TDRD9: variants seen among roughly 807,000 people sequenced by gnomAD.
TDRD9 encodes ATP-dependent RNA helicase TDRD9.
Under a neutral mutation model 172.6 loss-of-function variants are expected in TDRD9, and 124 were observed. The ratio of observed to expected loss-of-function variants is 0.72; its 90% confidence interval spans 0.62 to 0.83. The LOEUF is 0.83. TDRD9 is among the 40% of genes least tolerant of loss of function. The pLI is 0.00. For missense variants in TDRD9, 1,479 were observed against 1,714.1 expected, an observed-to-expected ratio of 0.86 and a Z score of 2.42; for synonymous variants, 619 against 617.1, an observed-to-expected ratio of 1.00 and a Z score of -0.05.
At chr14:103,939,405 C>G (rs2031029104) in intron 1 of TDRD9, among the ~76,000 whole-genome samples, 1 of 152,126 alleles carries the variant, frequency 6.6e-6, no homozygotes, top group South Asian at 2.1e-4. Flanking sequence ...CAGTTGTGTA[C>G]TTTTCGGGGC....
At position 104,048,405 on chromosome 14, in the gene TDRD9, G is replaced by A. The variant is rs1441938338; in HGVS notation, c.3975-1203G>A. On this transcript the variant is annotated intron_variant, in intron 34 of 35. Transcript: ENST00000409874. Reference sequence around the variant, plus strand: ...AGGCATATGTGACCACGCCCAGCTCGTTTTGTTTTCTTTATTCTTATTTTT... The same window carrying A: ...AGGCATATGTGACCACGCCCAGCTCATTTTGTTTTCTTTATTCTTATTTTT... Among the ~76,000 whole-genome samples the A allele has an allele frequency of 3.3e-5, 5 of 152,180 alleles. No individual in the cohort carries two copies. The East Asian group carries it at 5.8e-4, about 18-fold the overall frequency.
rs1417744649 is a variant in TDRD9 at position 103,998,628 on chromosome 14, A to G, written c.1383A>G (p.Ile461Met). ...GTCCTTTTTTTTAAATGGCAGTTAT[A>G]GATTTTTGTTTGACTAGAACTTTGG... is the stretch of plus-strand genomic sequence containing the variant. ...SVTVPDVKYVIDFCLTRTLVC... is the reference protein window; with the variant it reads ...SVTVPDVKYVMDFCLTRTLVC... Residue 461 changes from isoleucine to methionine, a missense_variant, in exon 13 of 36, where the codon ATA (isoleucine) becomes ATG (methionine). By Grantham distance (10) the Ile-to-Met change is conservative. This residue lies in a region of TDRD9 where 1,413 missense variants were observed against 1,649.1 expected (regional missense o/e 0.86). Transcript: ENST00000409874. The G allele has an allele frequency of 6.3e-7, 1 of 1,579,844 alleles. No homozygotes were observed. The highest frequency in any genetic ancestry group is 2.2e-5 in the East Asian group (1 of 44,732).
At chr14:103,995,094 G>A (rs1163280626) in intron 11 of TDRD9, among the ~76,000 whole-genome samples, 1 of 152,160 alleles carries the variant, frequency 6.6e-6, no homozygotes, top group Admixed American at 6.5e-5. Flanking sequence ...TTGCTAAAAA[G>A]CTAAGATTTT....
chr14:104,022,725 T>G (rs1433277687), intron 24 of TDRD9, among the ~76,000 whole-genome samples: 1 of 127,328 alleles, frequency 7.9e-6, no homozygotes, highest in Admixed American at 9.3e-5. Flanking sequence ...AGACGCTGTC[T>G]TAAAAAATAA....
At chr14:104,022,374 A>G (rs945516932) in intron 24 of TDRD9, 44 bp downstream of exon 24, 1 of 1,580,548 alleles carries the variant, frequency 6.3e-7, no homozygotes, top group Admixed American at 1.8e-5. Context: ...GCCTGCTTTC[A>G]CATTCTCAGG....
At chr14:103,972,208 G>A (rs2033063669) in intron 6 of TDRD9, among the ~76,000 whole-genome samples, 1 of 152,038 alleles carries the variant, frequency 6.6e-6, no homozygotes, top group African/African-American at 2.4e-5. Flanking sequence ...TTGGGAGGCT[G>A]AGGCAGGAGA....
chr14:103,982,760 G>T (rs1172392720), intron 7 of TDRD9, among the ~76,000 whole-genome samples: 3 of 152,112 alleles, frequency 2.0e-5, no homozygotes, highest in South Asian at 2.1e-4. Flanking sequence ...AATTAGCCAG[G>T]TGTGGTGGCA....
intron 1 of TDRD9, among the ~76,000 whole-genome samples, chr14:103,948,836 A>C (rs1279491082): frequency 1.4e-5 from 2 of 140,644 alleles, no homozygotes; most frequent in African/African-American, 5.3e-5. Context: ...GCACCACTGC[A>C]CTCCAGCTTG....
rs1045046623 is a variant in TDRD9 at position 103,980,006 on chromosome 14, G to T, written c.1011+4453G>T. On this transcript the variant is annotated intron_variant, in intron 7 of 35. Transcript: ENST00000409874. This position sits in a 1 kb window ranked among gnomAD's most constrained non-coding sequence, Gnocchi z 4.5. ...TTCTCCCATCTCAGCCTTCCAAGAA[G>T]CTATGACTACAGATGCATACCACCA... 6.6e-6 allele frequency among the ~76,000 whole-genome samples: 1 copy of T among 151,838 alleles called. No individual in the cohort carries two copies. Among genetic ancestry groups the T allele is most frequent in the African/African-American group, 2.4e-5 (1 of 41,308 alleles).
chr14:104,031,795 C>T (rs1383354226), intron 29 of TDRD9, among the ~76,000 whole-genome samples: 3 of 151,918 alleles, frequency 2.0e-5, no homozygotes, highest in African/African-American at 7.3e-5. Flanking sequence ...CTTTCTTAAC[C>T]ATATATATCA....
chr14:104,017,272 T>C (rs140062572), intron 22 of TDRD9, among the ~76,000 whole-genome samples: 206 of 152,142 alleles, frequency 1.4e-3, no homozygotes, highest in Non-Finnish European at 2.3e-3. Flanking sequence ...TTACCTAGTG[T>C]GTACATCATA....
At chr14:104,002,197 G>A (rs922415000) in intron 13 of TDRD9, among the ~76,000 whole-genome samples, 3 of 151,648 alleles carry the variant, frequency 2.0e-5, no homozygotes, top group African/African-American at 4.8e-5. Context: ...GCATGCGCCT[G>A]TACTCCCAGC....
intron 27 of TDRD9, 54 bp from the exon 28 acceptor site, chr14:104,026,625 G>T: frequency 6.3e-7 from 1 of 1,585,608 alleles, no homozygotes; most frequent in South Asian, 1.1e-5. Context: ...TATTTGGGAT[G>T]AGTGTTTTGC....
At chr14:103,975,591 A>C in intron 7 of TDRD9, 38 bp downstream of exon 7, 6 of 1,544,780 alleles carry the variant, frequency 3.9e-6, no homozygotes, top group Non-Finnish European at 5.3e-6. Flanking sequence ...TAGTGAGCGT[A>C]CTCTTGTATT....
intron 7 of TDRD9, among the ~76,000 whole-genome samples, chr14:103,977,966 T>A (rs1293845462): frequency 6.6e-6 from 1 of 152,198 alleles, no homozygotes; most frequent in Non-Finnish European, 1.5e-5. Context: ...TTCTTAAAAA[T>A]CAGTTGGCTG....
At chr14:103,970,718 C>G (rs1312927949) in intron 6 of TDRD9, 97 bp downstream of exon 6, 1 of 947,034 alleles carries the variant, frequency 1.1e-6, no homozygotes, top group African/African-American at 1.6e-5. Context: ...ATAGAGCATT[C>G]TGGGACCCCG....
At chr14:103,982,363 T>A (rs978390521) in intron 7 of TDRD9, among the ~76,000 whole-genome samples, 1 of 152,222 alleles carries the variant, frequency 6.6e-6, no homozygotes, top group Non-Finnish European at 1.5e-5. Flanking sequence ...TGGTGTCCCC[T>A]GTTGCCACTC....
intron 7 of TDRD9, 25 bp from the exon 8 acceptor site, chr14:103,986,192 G>A (rs772410134): frequency 1.4e-5 from 23 of 1,593,626 alleles, no homozygotes; most frequent in Admixed American, 8.4e-5. Context: ...TTCGTATTGC[G>A]ACTTTTTTCT....
chr14:103,976,178 T>C (rs966110226), intron 7 of TDRD9, among the ~76,000 whole-genome samples: 1 of 152,234 alleles, frequency 6.6e-6, no homozygotes, highest in Non-Finnish European at 1.5e-5. Context: ...CACTCAGCCA[T>C]GTTGCCCAGA....
Sources: gnomAD v4.1 joint callset for allele counts (sites outside exome capture counted in the v4.1 genomes callset) on GRCh38, gnomAD v4.1.1 for gene constraint, gnomAD v4.1.1 regional missense constraint, Gnocchi (gnomAD v3.1) non-coding constraint, MANE v1.5 for transcripts, NCBI Gene and HGNC (gene_info 2026-07-23, HGNC 2026-07-21) for gene names.